MARCHF1: variants seen among roughly 807,000 people sequenced by gnomAD.
MARCHF1 encodes E3 ubiquitin-protein ligase MARCHF1.
A neutral mutation model predicts 54.2 loss-of-function variants in MARCHF1; 40 were observed. The observed-to-expected ratio is 0.74, with a 90% CI of 0.57 to 0.96. The LOEUF (loss-of-function observed/expected upper bound fraction) is 0.96. Ranked by LOEUF, MARCHF1 falls within the 40% of genes least tolerant of loss-of-function variation. The pLI is 0.00. For missense variants in MARCHF1, 586 were observed against 656.5 expected, an observed-to-expected ratio of 0.89 and a Z score of 1.17; for synonymous variants, 236 against 236.3, an observed-to-expected ratio of 1.00 and a Z score of 0.01.
intron 3 of MARCHF1, among the ~76,000 whole-genome samples, chr4:163,894,843 C>CAT (rs200558501): frequency 5.1e-5 from 1 of 19,768 alleles, no homozygotes; most frequent in Non-Finnish European, 1.3e-4. Context: ...GCATGTGATG[C>CAT]ATATATATAT....
At chr4:164,177,185 A>C (rs888020373) in intron 1 of MARCHF1, among the ~76,000 whole-genome samples, 1 of 151,646 alleles carries the variant, frequency 6.6e-6, no homozygotes, top group African/African-American at 2.4e-5. Context: ...TACCTCTGGC[A>C]TCTGGAACAA....
At chr4:164,051,731 T>C (rs1754370601) in intron 2 of MARCHF1, among the ~76,000 whole-genome samples, 1 of 152,192 alleles carries the variant, frequency 6.6e-6, no homozygotes, top group East Asian at 1.9e-4. Flanking sequence ...CTTGTCCAGA[T>C]ACTTAATCAC....
chr4:163,670,341 AT>A (rs1483425398), intron 5 of MARCHF1, among the ~76,000 whole-genome samples: 2 of 151,788 alleles, frequency 1.3e-5, no homozygotes, highest in South Asian at 2.1e-4. Context: ...CAAAAGACAA[AT>A]TATAGACCTA....
chr4:163,655,323 G>A (rs1743099995), intron 5 of MARCHF1, among the ~76,000 whole-genome samples: 1 of 151,482 alleles, frequency 6.6e-6, no homozygotes, highest in African/African-American at 2.4e-5. Context: ...TGTAGTAAAT[G>A]CCTTCAGAAT....
Position 164,253,496 on chromosome 4 carries a change from A to G in MARCHF1, c.-323+130374T>C, listed in dbSNP as rs376540232. Among the ~76,000 whole-genome samples the G allele has an allele frequency of 3.3e-5, 5 of 152,316 alleles. No homozygotes were observed. The South Asian group carries it at 6.2e-4, about 19-fold the overall frequency. The stretch of plus-strand genomic sequence containing the variant: ...CTTTTAATAACAAGTCAGAACTAAA[A>G]TAACAGACAGTAGGATGGTAGCAGT... On this transcript the variant is annotated intron_variant, in intron 1 of 9. Transcript: ENST00000514618.
intron 3 of MARCHF1, among the ~76,000 whole-genome samples, chr4:163,886,073 G>A (rs1333626590): frequency 6.8e-6 from 1 of 147,674 alleles, no homozygotes; most frequent in Non-Finnish European, 1.5e-5. Context: ...TCTATATATA[G>A]ATATATATAT....
chr4:164,199,679 CACAG>C (rs1464241723), intron 1 of MARCHF1, among the ~76,000 whole-genome samples: 47 of 51,978 alleles, frequency 9.0e-4, no homozygotes, highest in South Asian at 5.7e-3. Flanking sequence ...CACACACACA[CACAG>C]AGAGAGAGAG....
intron 1 of MARCHF1, among the ~76,000 whole-genome samples, chr4:164,238,642 T>G (rs544985760): frequency 1.3e-5 from 2 of 151,632 alleles, no homozygotes; most frequent in African/African-American, 2.4e-5. Flanking sequence ...GATATTTGTA[T>G]AGTAGCTATA....
intron 5 of MARCHF1, among the ~76,000 whole-genome samples, chr4:163,655,655 A>G (rs1743112505): frequency 6.6e-6 from 1 of 151,924 alleles, no homozygotes; most frequent in Non-Finnish European, 1.5e-5. Flanking sequence ...CCTAATTGGA[A>G]GCAAAACACT....
Position 164,377,545 on chromosome 4 carries a change from G to A in MARCHF1, c.-323+6325C>T, listed in dbSNP as rs572152321. 1.8e-4 allele frequency among the ~76,000 whole-genome samples: 28 copies of A among 151,684 alleles called. No homozygotes were observed. The South Asian group carries it at 4.4e-3, about 24-fold the overall frequency. On this transcript the variant is annotated intron_variant, in intron 1 of 9. Coordinates refer to ENST00000514618, the MANE Select transcript of MARCHF1 (RefSeq NM_001394959.1). Reference sequence around the variant, plus strand: ...GCTTATTTGTAAGTTAGAATGATTCGTTAACCATGGAGTTCTTGTGTTCAG... The same window carrying A: ...GCTTATTTGTAAGTTAGAATGATTCATTAACCATGGAGTTCTTGTGTTCAG...
intron 1 of MARCHF1, among the ~76,000 whole-genome samples, chr4:164,202,334 ATTATGAACCAT>A (rs1210187422): frequency 1.3e-5 from 2 of 152,228 alleles, no homozygotes; most frequent in Non-Finnish European, 2.9e-5. Context: ...TGCAGTAGAT[ATTATGAACCAT>A]AAAATGTTCC....
At chr4:163,995,350 A>T (rs1428949143) in intron 2 of MARCHF1, among the ~76,000 whole-genome samples, 2 of 152,168 alleles carry the variant, frequency 1.3e-5, no homozygotes, top group East Asian at 3.9e-4. Context: ...ATGTTCAGCC[A>T]TCCATAAGTT....
intron 9 of MARCHF1, among the ~76,000 whole-genome samples, chr4:163,544,388 C>T (rs1039621301): frequency 6.6e-6 from 1 of 152,178 alleles, no homozygotes. Context: ...AGCATTTAGA[C>T]TCGACACGGT....
intron 1 of MARCHF1, among the ~76,000 whole-genome samples, chr4:164,182,740 CT>C (rs1195850799): frequency 6.6e-6 from 1 of 151,956 alleles, no homozygotes; most frequent in Admixed American, 6.6e-5. Context: ...CACAGTGATG[CT>C]CAATATATGC....
chr4:163,686,648 A>T (rs1004582902), intron 5 of MARCHF1, among the ~76,000 whole-genome samples: 1 of 151,972 alleles, frequency 6.6e-6, no homozygotes, highest in African/African-American at 2.4e-5. Flanking sequence ...TGAACTCAGT[A>T]CTTCACAAAT....
intron 1 of MARCHF1, among the ~76,000 whole-genome samples, chr4:164,206,376 G>A (rs1259532932): frequency 3.9e-5 from 6 of 152,186 alleles, no homozygotes; most frequent in Non-Finnish European, 2.9e-5. Context: ...GGTGGAGGTT[G>A]CAGTGAGCCA....
At chr4:163,980,346 C>T (rs1171013519) in intron 3 of MARCHF1, among the ~76,000 whole-genome samples, 1 of 137,328 alleles carries the variant, frequency 7.3e-6, no homozygotes, top group African/African-American at 2.8e-5. Flanking sequence ...CCCTTCCTTA[C>T]ACCTTATACA....
chr4:164,380,442 T>C (rs761254862), intron 1 of MARCHF1, among the ~76,000 whole-genome samples: 1 of 152,186 alleles, frequency 6.6e-6, no homozygotes, highest in Non-Finnish European at 1.5e-5. Context: ...GAAACTAATG[T>C]TTACAGACTC....
chr4:163,729,261 A>T (rs114673786), intron 4 of MARCHF1, among the ~76,000 whole-genome samples: 2,132 of 152,022 alleles, frequency 0.014, 20 homozygotes, highest in Non-Finnish European at 0.023. Context: ...CAATGCCTTT[A>T]TCTGATTTTG....
Sources: gnomAD v4.1 joint callset for allele counts (sites outside exome capture counted in the v4.1 genomes callset) on GRCh38, gnomAD v4.1.1 for gene constraint, MANE v1.5 for transcripts, NCBI Gene and HGNC (gene_info 2026-07-23, HGNC 2026-07-21) for gene names.